Variants in SMPD3 observed in about 807,000 individuals in gnomAD.
SMPD3 encodes the protein nSMase-2.
A neutral mutation model predicts 55.7 loss-of-function variants in SMPD3; 21 were observed. The ratio of observed to expected loss-of-function variants is 0.38; its 90% CI spans 0.27 to 0.54. The LOEUF is 0.54. Among genes scored for constraint, SMPD3 ranks in the 20% least tolerant of loss-of-function variants. The pLI is 0.80. For synonymous variants in SMPD3, 457 were observed against 404.3 expected, an observed-to-expected ratio of 1.13 and a Z score of -1.56; for missense variants, 842 against 899.6, an observed-to-expected ratio of 0.94 and a Z score of 0.82.
At chr16:68,397,823 T>C (rs1783472112) in intron 1 of SMPD3, among the ~76,000 whole-genome samples, 1 of 152,170 alleles carries the variant, frequency 6.6e-6, no homozygotes, top group African/African-American at 2.4e-5. Context: ...GTGGCAGTGC[T>C]TCGTCTTAGG....
At chr16:68,439,171 T>C (rs1411057145) in intron 1 of SMPD3, among the ~76,000 whole-genome samples, 2 of 152,232 alleles carry the variant, frequency 1.3e-5, no homozygotes, top group East Asian at 1.9e-4. Flanking sequence ...TTAAAGCACT[T>C]GCCCAAGGCC....
chr16:68,384,302 A>G (rs762718764), intron 2 of SMPD3, among the ~76,000 whole-genome samples: 5 of 152,210 alleles, frequency 3.3e-5, no homozygotes, highest in Non-Finnish European at 7.3e-5. Context: ...CACAGAGAAG[A>G]TCCCTTCATC....
intron 1 of SMPD3, among the ~76,000 whole-genome samples, chr16:68,410,366 T>C (rs73551928): frequency 3.7e-4 from 56 of 151,842 alleles, no homozygotes; most frequent in African/African-American, 1.3e-3. Flanking sequence ...ATTGTTGGTG[T>C]TGTCATCTTG....
chr16:68,385,427 G>C (rs2090036306), intron 2 of SMPD3, among the ~76,000 whole-genome samples: 1 of 151,986 alleles, frequency 6.6e-6, no homozygotes, highest in African/African-American at 2.4e-5. Context: ...CAAGACCTTT[G>C]CCTCTTTTTT....
intron 2 of SMPD3, among the ~76,000 whole-genome samples, chr16:68,376,796 C>T (rs1389362068): frequency 6.6e-6 from 1 of 152,208 alleles, no homozygotes; most frequent in East Asian, 1.9e-4. Context: ...GAAAAGGAGA[C>T]TTTAGACCTG....
chr16:68,419,969 C>T (rs891240144), intron 1 of SMPD3, among the ~76,000 whole-genome samples: 1 of 147,696 alleles, frequency 6.8e-6, no homozygotes, highest in African/African-American at 2.5e-5. Flanking sequence ...TGTAGTATCC[C>T]GAATAGCTAT....
chr16:68,421,927 T>C (rs1218326551), intron 1 of SMPD3, among the ~76,000 whole-genome samples: 1 of 152,172 alleles, frequency 6.6e-6, no homozygotes, highest in Non-Finnish European at 1.5e-5. Context: ...AAGTCAAGCA[T>C]CTTGAGATGG....
intron 3 of SMPD3, among the ~76,000 whole-genome samples, chr16:68,370,493 G>T (rs560704785): frequency 1.3e-5 from 2 of 152,242 alleles, no homozygotes; most frequent in South Asian, 4.2e-4. Flanking sequence ...CCATCTCCAC[G>T]GCTACCACCG....
At chr16:68,416,972 C>T (rs570630255) in intron 1 of SMPD3, among the ~76,000 whole-genome samples, 1 of 152,250 alleles carries the variant, frequency 6.6e-6, no homozygotes, top group East Asian at 1.9e-4. Context: ...TACCCAAGGG[C>T]TCTTTGGGGT....
chr16:68,431,626 C>T (rs572746923), intron 1 of SMPD3, among the ~76,000 whole-genome samples: 26 of 152,308 alleles, frequency 1.7e-4, no homozygotes, highest in African/African-American at 6.3e-4. Context: ...ACTTTACTTA[C>T]GAAACAGGAT....
At chr16:68,412,839 T>C (rs2090312453) in intron 1 of SMPD3, among the ~76,000 whole-genome samples, 1 of 152,230 alleles carries the variant, frequency 6.6e-6, no homozygotes. Context: ...TAGTGTATGG[T>C]AGATGTTAGA....
intron 1 of SMPD3, among the ~76,000 whole-genome samples, chr16:68,418,400 G>A (rs1470389346): frequency 6.6e-6 from 1 of 152,084 alleles, no homozygotes; most frequent in African/African-American, 2.4e-5. Flanking sequence ...TGAGAGATGG[G>A]TGATGAGTAA....
intron 2 of SMPD3, among the ~76,000 whole-genome samples, chr16:68,377,327 G>C (rs920953888): frequency 2.0e-5 from 3 of 152,148 alleles, no homozygotes; most frequent in African/African-American, 7.2e-5. Context: ...AGGGGATGAG[G>C]GGAAGAAGTG....
intron 1 of SMPD3, among the ~76,000 whole-genome samples, chr16:68,408,412 A>G (rs973557371): frequency 1.3e-5 from 2 of 152,248 alleles, no homozygotes; most frequent in East Asian, 3.8e-4. Context: ...TTGTGAATTT[A>G]TACAAGAGAG....
chr16:68,373,667 TG>T (rs1253601814), intron 2 of SMPD3, among the ~76,000 whole-genome samples: 2 of 152,164 alleles, frequency 1.3e-5, no homozygotes, highest in Admixed American at 1.3e-4. Context: ...CTGGACCCCC[TG>T]CACCGGCCTG....
chr16:68,371,443 T>C lies in SMPD3; in HGVS notation c.739A>G (p.Ile247Val), dbSNP rs368020027. 6.3e-7 allele frequency: 1 copy of C among 1,586,280 alleles called. No individual in the cohort carries two copies. Among genetic ancestry groups the C allele is most frequent in the Non-Finnish European group, 8.5e-7 (1 of 1,174,190 alleles). ...SSPEDACIVR[I>V]GGEEGGRPPE... ...GGCCGGCCGCCCTCCTCGCCACCGA[T>C]GCGCACGATGCAGGCATCCTCCGGG... is the stretch of plus-strand genomic sequence containing the variant. The change falls in exon 3 of 9, where the codon ATC becomes GTC. Residue 247 changes from isoleucine to valine, a missense_variant. By Grantham distance (29) the Ile-to-Val change is conservative. Transcript: ENST00000219334.
At chr16:68,361,860 G>T in intron 7 of SMPD3, 101 bp from the exon 8 acceptor site, 1 of 1,287,324 alleles carries the variant, frequency 7.8e-7, no homozygotes, top group Non-Finnish European at 1.0e-6. Context: ...TGTGGGAGCG[G>T]GTGGGTGGGA....
intron 1 of SMPD3, among the ~76,000 whole-genome samples, chr16:68,432,986 T>G (rs1045195734): frequency 5.3e-5 from 8 of 152,000 alleles, no homozygotes; most frequent in African/African-American, 1.9e-4. Context: ...TTGGTTCTGG[T>G]GGAGATGAGG....
At chr16:68,415,103 A>C (rs1484712001) in intron 1 of SMPD3, among the ~76,000 whole-genome samples, 1 of 152,166 alleles carries the variant, frequency 6.6e-6, no homozygotes, top group African/African-American at 2.4e-5. Flanking sequence ...CATGGGCCAT[A>C]AACTGTGCCA....
Sources: allele counts gnomAD v4.1 joint callset (sites outside exome capture counted in the v4.1 genomes callset), GRCh38; gene constraint gnomAD v4.1.1; transcripts MANE v1.5; gene names NCBI Gene and HGNC (gene_info 2026-07-23, HGNC 2026-07-21).